The following MEF2C variants were observed in gnomAD, a reference collection of about 807,000 sequenced individuals.
MEF2C encodes the protein myocyte enhancer factor 2C, also known as myocyte-specific enhancer factor 2C.
A neutral mutation model predicts 50.5 loss-of-function variants in MEF2C; 6 were observed. The observed-to-expected ratio is 0.12, with a 90% CI of 0.07 to 0.23. The LOEUF (loss-of-function observed/expected upper bound fraction) is 0.23, where lower values mean the gene tolerates loss of function less well. Among genes scored for constraint, MEF2C ranks in the 10% least tolerant of loss-of-function variants. The probability of loss-of-function intolerance (pLI) is 1.00; values close to 1 mark genes in which losing one functional copy is unlikely to be tolerated. For synonymous variants in MEF2C, 183 were observed against 228.0 expected (o/e 0.80, Z 1.78); for missense variants, 276 against 605.0 (o/e 0.46, Z 5.70).
intron 1 of MEF2C, among the ~76,000 whole-genome samples, chr5:88,828,330 C>A (rs1811759386): frequency 1.3e-5 from 2 of 151,940 alleles, no homozygotes. Flanking sequence ...AATGCAGTCA[C>A]TTAAATAAAA....
intron 1 of MEF2C, among the ~76,000 whole-genome samples, chr5:88,826,586 CACA>C (rs1810944608): frequency 1.3e-5 from 2 of 151,942 alleles, no homozygotes; most frequent in Non-Finnish European, 1.5e-5. Context: ...GTTTTCTTAG[CACA>C]ACATTTTCTC....
At chr5:88,846,018 A>C (rs1819190422) in intron 1 of MEF2C, among the ~76,000 whole-genome samples, 1 of 152,098 alleles carries the variant, frequency 6.6e-6, no homozygotes, top group South Asian at 2.1e-4. Flanking sequence ...AAAGTGGTAT[A>C]ACATTCAATT....
chr5:88,797,382 C>A (rs941090705), intron 3 of MEF2C, among the ~76,000 whole-genome samples: 1 of 151,176 alleles, frequency 6.6e-6, no homozygotes, highest in South Asian at 2.1e-4. Flanking sequence ...TTATGTAATG[C>A]CCTTCTTGAG....
intron 1 of MEF2C, among the ~76,000 whole-genome samples, chr5:88,834,380 A>G (rs1355583134): frequency 6.6e-6 from 1 of 152,138 alleles, no homozygotes; most frequent in South Asian, 2.1e-4. Flanking sequence ...ATGATGCTTA[A>G]TATCACAGAT....
intron 3 of MEF2C, among the ~76,000 whole-genome samples, chr5:88,781,645 A>C (rs1311072544): frequency 6.6e-6 from 1 of 152,178 alleles, no homozygotes; most frequent in Non-Finnish European, 1.5e-5. Context: ...TATTGTATTC[A>C]GAATCCTGAC....
intron 3 of MEF2C, among the ~76,000 whole-genome samples, chr5:88,796,067 CG>C (rs1266816820): frequency 6.6e-6 from 1 of 152,078 alleles, no homozygotes; most frequent in Non-Finnish European, 1.5e-5. Context: ...ATTTTTGCAT[CG>C]ATGTTCATCA....
intron 5 of MEF2C, chr5:88,750,132 T>C (rs1771980565): frequency 1.4e-5 from 12 of 856,826 alleles, no homozygotes; most frequent in Non-Finnish European, 1.7e-5. Flanking sequence ...TAAGTGATAC[T>C]CTGTAATTAT....
At chr5:88,880,015 G>A (rs1362842065) in intron 1 of MEF2C, among the ~76,000 whole-genome samples, 3 of 151,734 alleles carry the variant, frequency 2.0e-5, no homozygotes, top group Non-Finnish European at 4.4e-5. Flanking sequence ...GACAGATCTC[G>A]GTGAACAGTC....
intron 8 of MEF2C, 31 bp from the exon 9 acceptor site, chr5:88,729,378 T>C (rs1201486242): frequency 1.3e-6 from 2 of 1,547,144 alleles, no homozygotes; most frequent in Admixed American, 1.9e-5. Flanking sequence ...ACATTACTGA[T>C]GAATTTTTTT....
chr5:88,841,111 A>C (rs955558083), intron 1 of MEF2C, among the ~76,000 whole-genome samples: 1 of 152,220 alleles, frequency 6.6e-6, no homozygotes. Context: ...CATTTAAGAA[A>C]TGTTATCAGT....
chr5:88,745,808 C>T (rs758269897), intron 6 of MEF2C, among the ~76,000 whole-genome samples: 13 of 152,206 alleles, frequency 8.5e-5, no homozygotes, highest in Non-Finnish European at 1.8e-4. Context: ...GAGCAAGACA[C>T]TGTCTCAAAA....
intron 6 of MEF2C, chr5:88,737,060 AATAG>A: frequency 3.0e-6 from 3 of 985,164 alleles, no homozygotes; most frequent in Non-Finnish European, 2.4e-6. Context: ...GTGCTTCACA[AATAG>A]ATATATAGAA....
chr5:88,750,191 T>G, intron 5 of MEF2C: 1 of 562,762 alleles, frequency 1.8e-6, no homozygotes, highest in Non-Finnish European at 2.3e-6. Context: ...TTTATATATA[T>G]ACATATATAT....
intron 6 of MEF2C, chr5:88,743,704 C>T (rs1342049734): frequency 1.0e-6 from 1 of 985,306 alleles, no homozygotes; most frequent in Non-Finnish European, 1.2e-6. Context: ...GAAACCAGAT[C>T]TCTTATTCAC....
intron 1 of MEF2C, among the ~76,000 whole-genome samples, chr5:88,836,917 T>C (rs1338863282): frequency 6.8e-6 from 1 of 146,426 alleles, no homozygotes; most frequent in African/African-American, 2.5e-5. Context: ...TTCCTTTCCT[T>C]AGAGATCCCA....
At chr5:88,803,623 CA>C (rs1347475075) in intron 3 of MEF2C, among the ~76,000 whole-genome samples, 1 of 152,108 alleles carries the variant, frequency 6.6e-6, no homozygotes, top group East Asian at 1.9e-4. Flanking sequence ...AGAAAATAGG[CA>C]GATGGGAACC....
At chr5:88,817,003 C>A (rs1429884637) in intron 2 of MEF2C, among the ~76,000 whole-genome samples, 2 of 151,854 alleles carry the variant, frequency 1.3e-5, no homozygotes, top group South Asian at 4.1e-4. Flanking sequence ...GAAAAACTCA[C>A]AAGTCTGGAA....
chr5:88,804,893 T>C (rs769723050), intron 2 of MEF2C, 92 bp from the exon 3 acceptor site: 40 of 1,010,628 alleles, frequency 4.0e-5, no homozygotes, highest in Non-Finnish European at 5.9e-5. Context: ...CACAAAACAA[T>C]GGTGTGTAGT....
At chr5:88,869,723 A>AT (rs1274886656) in intron 1 of MEF2C, among the ~76,000 whole-genome samples, 1 of 150,936 alleles carries the variant, frequency 6.6e-6, no homozygotes, top group African/African-American at 2.4e-5. Flanking sequence ...ACAAAAACTG[A>AT]TTTTTTATTA....
Sources: gnomAD v4.1 joint callset for allele counts (sites outside exome capture counted in the v4.1 genomes callset) on GRCh38, gnomAD v4.1.1 for gene constraint, MANE v1.5 for transcripts, NCBI Gene and HGNC (gene_info 2026-07-23, HGNC 2026-07-21) for gene names.